The following RORA variants were observed in gnomAD, a reference collection of about 807,000 sequenced individuals.
RORA encodes nuclear receptor ROR-alpha.
A neutral mutation model predicts 69.5 loss-of-function variants in RORA; 7 were observed. That is an observed-to-expected ratio of 0.10 (90% CI 0.06 to 0.19). The LOEUF (loss-of-function observed/expected upper bound fraction) is 0.19. Ranked by LOEUF, RORA falls within the 10% of genes least tolerant of loss-of-function variation. The pLI is 1.00. For synonymous variants in RORA, 261 were observed against 240.8 expected (o/e 1.08, Z -0.78); for missense variants, 457 against 663.0 (o/e 0.69, Z 3.41).
At chr15:61,056,275 G>A (rs911895981) in intron 1 of RORA, among the ~76,000 whole-genome samples, 1 of 152,168 alleles carries the variant, frequency 6.6e-6, no homozygotes, top group Non-Finnish European at 1.5e-5. Context: ...AATCCTGTGA[G>A]GTGGTTATTG....
Position 60,497,445 on chromosome 15 carries a change from G to A in RORA, c.*10C>T. 1.9e-6 allele frequency: 3 copies of A among 1,612,362 alleles called. No homozygotes were observed. Among genetic ancestry groups the A allele is most frequent in the Non-Finnish European group, 2.5e-6 (3 of 1,178,544 alleles). On this transcript the variant is annotated 3_prime_UTR_variant, in exon 11 of 11. Coordinates refer to ENST00000335670, the MANE Select transcript of RORA (RefSeq NM_134261.3). ...CTTCAGACATTCTAGAAGTGCTTAGGTGATAACATTTACCCATCAATTTGC... is the reference window on the plus strand; with the variant it reads ...CTTCAGACATTCTAGAAGTGCTTAGATGATAACATTTACCCATCAATTTGC...
At chr15:60,774,242 C>T (rs1220654322) in intron 1 of RORA, among the ~76,000 whole-genome samples, 1 of 152,188 alleles carries the variant, frequency 6.6e-6, no homozygotes, top group Non-Finnish European at 1.5e-5. Context: ...TTTGTCAGAG[C>T]ATCTGGGTCA....
chr15:61,114,057 T>TG (rs1466457082), intron 1 of RORA, among the ~76,000 whole-genome samples: 1 of 152,198 alleles, frequency 6.6e-6, no homozygotes, highest in African/African-American at 2.4e-5. Flanking sequence ...ACAGAAGCCC[T>TG]GAAAACAGAA....
chr15:61,217,289 G>C (rs1003817869), intron 1 of RORA, among the ~76,000 whole-genome samples: 2 of 152,164 alleles, frequency 1.3e-5, no homozygotes, highest in Admixed American at 1.3e-4. Context: ...CAGCGTAAAA[G>C]AGGCCTGGCA....
chr15:60,840,987 T>C (rs1449468591), intron 1 of RORA: 1 of 531,482 alleles, frequency 1.9e-6, no homozygotes, highest in African/African-American at 2.1e-5. Context: ...GTAGCGACAA[T>C]ACCACCTCCT....
chr15:60,839,733 C>T (rs901091647), intron 1 of RORA, among the ~76,000 whole-genome samples: 1 of 152,158 alleles, frequency 6.6e-6, no homozygotes, highest in Non-Finnish European at 1.5e-5. Flanking sequence ...TGAATGACTC[C>T]CCATGGAGTT....
intron 1 of RORA, among the ~76,000 whole-genome samples, chr15:60,691,787 C>T (rs1043506683): frequency 5.9e-5 from 9 of 152,318 alleles, no homozygotes; most frequent in Middle Eastern, 6.8e-3. Flanking sequence ...GAACACAGGG[C>T]ATGCATGCCT....
intron 1 of RORA, among the ~76,000 whole-genome samples, chr15:61,192,570 G>A (rs1189331989): frequency 2.0e-5 from 3 of 152,240 alleles, no homozygotes; most frequent in Admixed American, 2.0e-4. Context: ...CAAAGACAGT[G>A]TCTGCCACAA....
intron 1 of RORA, among the ~76,000 whole-genome samples, chr15:60,880,233 C>G (rs2073663695): frequency 6.6e-6 from 1 of 152,200 alleles, no homozygotes; most frequent in Non-Finnish European, 1.5e-5. Flanking sequence ...TCACCCACTC[C>G]TCACCCTGGC....
rs71122864 is a variant in RORA at position 60,612,661 on chromosome 15, GTTTTTTTT to G, written c.196+65988_196+65995del. On this transcript the variant is annotated intron_variant, in intron 2 of 10. Coordinates refer to ENST00000335670, the MANE Select transcript of RORA (RefSeq NM_134261.3). ...GAAGAATCTCTCTCTCTCTCTCTCT[GTTTTTTTT>G]TTTTTTTTTTTTTTTTCTCTCTCTC... Among the ~76,000 whole-genome samples the G allele has an allele frequency of 3.9e-3, 418 of 107,170 alleles. 5 individuals carry two copies. The highest frequency in any genetic ancestry group is 0.012 in the African/African-American group (350 of 30,298). The allele number at this position is 107,170 out of a possible 152,430, so 70.3% of individuals were successfully genotyped here.
chr15:60,846,719 G>A (rs76775692), intron 1 of RORA, among the ~76,000 whole-genome samples: 2,931 of 152,244 alleles, frequency 0.019, 96 homozygotes, highest in African/African-American at 0.067. Context: ...ATCCATCATC[G>A]GAAAGAAACT....
At chr15:60,801,276 C>A (rs568248063) in intron 1 of RORA, among the ~76,000 whole-genome samples, 3 of 152,182 alleles carry the variant, frequency 2.0e-5, no homozygotes, top group East Asian at 1.9e-4. Context: ...CCCCCTCCCC[C>A]CTCCTTCGAC....
intron 1 of RORA, among the ~76,000 whole-genome samples, chr15:60,979,881 T>A (rs2140442): frequency 6.6e-6 from 1 of 152,070 alleles, no homozygotes; most frequent in South Asian, 2.1e-4. Context: ...CTCTTTCTCA[T>A]CTAATTGCCC....
intron 2 of RORA, among the ~76,000 whole-genome samples, chr15:60,645,812 T>TAA (rs796728170): frequency 4.6e-4 from 65 of 140,662 alleles, no homozygotes; most frequent in African/African-American, 1.4e-3. Flanking sequence ...TTTTTTTTTT[T>TAA]AAAAAATTAA....
intron 1 of RORA, among the ~76,000 whole-genome samples, chr15:60,819,361 G>A (rs1369763111): frequency 6.6e-6 from 1 of 152,156 alleles, no homozygotes; most frequent in Non-Finnish European, 1.5e-5. Context: ...AATTAGTCAA[G>A]GCTTCGAAAC....
chr15:60,727,081 GCC>G (rs2071368048), intron 1 of RORA, among the ~76,000 whole-genome samples: 1 of 152,206 alleles, frequency 6.6e-6, no homozygotes, highest in Non-Finnish European at 1.5e-5. Flanking sequence ...TCCCCAGCAA[GCC>G]CAGGGATTAC....
chr15:61,004,256 G>T (rs901558659), intron 1 of RORA, among the ~76,000 whole-genome samples: 7 of 150,960 alleles, frequency 4.6e-5, no homozygotes, highest in African/African-American at 1.5e-4. Flanking sequence ...GGGAGAGAGA[G>T]GAGAGAGAAG....
At chr15:60,606,791 T>C (rs1381797841) in intron 2 of RORA, among the ~76,000 whole-genome samples, 1 of 151,992 alleles carries the variant, frequency 6.6e-6, no homozygotes, top group Non-Finnish European at 1.5e-5. Context: ...ACAATTGCTA[T>C]AATACTTTTC....
intron 1 of RORA, among the ~76,000 whole-genome samples, chr15:60,931,089 A>C (rs1209260186): frequency 1.3e-5 from 2 of 152,160 alleles, no homozygotes; most frequent in African/African-American, 2.4e-5. Context: ...TGGAAGAGTG[A>C]CTGGTCCAGG....
Sources: gnomAD v4.1 joint callset for allele counts (sites outside exome capture counted in the v4.1 genomes callset) on GRCh38, gnomAD v4.1.1 for gene constraint, MANE v1.5 for transcripts, NCBI Gene and HGNC (gene_info 2026-07-23, HGNC 2026-07-21) for gene names.